ADI1: variants seen among roughly 807,000 people sequenced by gnomAD.
The protein encoded by ADI1 is acireductone dioxygenase.
ADI1 carries 21 observed loss-of-function variants against 18.7 expected under a neutral mutation model. The observed-to-expected ratio is 1.13, with a 90% CI of 0.80 to 1.62. The LOEUF (loss-of-function observed/expected upper bound fraction) is 1.62. Among genes scored for constraint, ADI1 ranks in the 40% most tolerant of loss-of-function variants. The pLI is 0.00. For missense variants in ADI1, 245 were observed against 254.9 expected, an observed-to-expected ratio of 0.96 and a Z score of 0.26; for synonymous variants, 90 against 100.1, an observed-to-expected ratio of 0.90 and a Z score of 0.60.
chr2:3,518,779 G>A (rs1667464554), intron 1 of ADI1, among the ~76,000 whole-genome samples: 1 of 152,378 alleles, frequency 6.6e-6, no homozygotes, highest in East Asian at 1.9e-4. Context: ...TAGCCAGGCA[G>A]GCAGGGCGTC....
In ADI1 at chr2:3,498,621, C is replaced by T. The variant is rs1387096162; in HGVS notation, c.*342G>A. 1 of 206,856 alleles carries T rather than the reference C, an allele frequency of 4.8e-6. No individual in the cohort carries two copies. The highest frequency in any genetic ancestry group is 2.3e-5 in the African/African-American group (1 of 43,658). The allele number at this position is 206,856 out of a possible 1,614,324, so 12.8% of individuals were successfully genotyped here. On this transcript the variant is annotated 3_prime_UTR_variant, in exon 4 of 4. Coordinates refer to ENST00000327435, the MANE Select transcript of ADI1 (RefSeq NM_018269.4). The stretch of plus-strand genomic sequence containing the variant: ...GCTGTGTTATCTAGGATTGCACCTT[C>T]TTACACGGCAGGCGCGGCATCACGT...
intron 3 of ADI1, chr2:3,500,605 C>T (rs2103200588): frequency 1.5e-6 from 1 of 664,182 alleles, no homozygotes. Flanking sequence ...GGATCGCAGG[C>T]AGGGGCCACG....
intron 1 of ADI1, among the ~76,000 whole-genome samples, chr2:3,514,625 C>G (rs1667360161): frequency 6.6e-6 from 1 of 152,238 alleles, no homozygotes; most frequent in Admixed American, 6.5e-5. Flanking sequence ...TCCCATTCAA[C>G]ATTTTCATTT....
intron 2 of ADI1, among the ~76,000 whole-genome samples, chr2:3,505,144 G>C (rs964108665): frequency 3.9e-5 from 6 of 152,214 alleles, no homozygotes; most frequent in Non-Finnish European, 8.8e-5. Flanking sequence ...TATATTGTTT[G>C]TTCACCTGCA....
intron 1 of ADI1, chr2:3,514,712 C>T (rs962029999): frequency 2.1e-6 from 3 of 1,448,926 alleles, no homozygotes; most frequent in Non-Finnish European, 1.9e-6. Context: ...AAGCTCCAGG[C>T]AGAATTCATC....
intron 2 of ADI1, among the ~76,000 whole-genome samples, chr2:3,502,829 G>A (rs1667054922): frequency 6.6e-6 from 1 of 152,104 alleles, no homozygotes; most frequent in Non-Finnish European, 1.5e-5. Flanking sequence ...CCAAGCTTAG[G>A]TTGCACTCAG....
At chr2:3,518,508 C>T (rs193118410) in intron 1 of ADI1, among the ~76,000 whole-genome samples, 4 of 152,210 alleles carry the variant, frequency 2.6e-5, no homozygotes, top group African/African-American at 9.7e-5. Context: ...AACGGGACAC[C>T]GGTGCAAAGC....
chr2:3,500,499 G>GTGCCAACCCCAGCGATGCCTCA, intron 3 of ADI1: 1 of 491,082 alleles, frequency 2.0e-6, no homozygotes, highest in Non-Finnish European at 3.7e-6. Context: ...AAGGGCTGGG[G>GTGCCAACCCCAGCGATGCCTCA]CAGGGCCAGG....
intron 2 of ADI1, among the ~76,000 whole-genome samples, chr2:3,507,060 T>A (rs1330140986): frequency 6.6e-6 from 1 of 152,164 alleles, no homozygotes; most frequent in East Asian, 1.9e-4. Flanking sequence ...TATAAACAAC[T>A]GCCCAAGACT....
At chr2:3,507,167 G>C (rs1667192062) in intron 2 of ADI1, among the ~76,000 whole-genome samples, 1 of 152,160 alleles carries the variant, frequency 6.6e-6, no homozygotes, top group Non-Finnish European at 1.5e-5. Context: ...GGGATTGGGG[G>C]AGAACAAAAT....
At chr2:3,501,864 A>C (rs1004893978) in intron 2 of ADI1, among the ~76,000 whole-genome samples, 1 of 152,096 alleles carries the variant, frequency 6.6e-6, no homozygotes, top group Non-Finnish European at 1.5e-5. Flanking sequence ...TTTCTTCCTA[A>C]TATTTTATAA....
intron 1 of ADI1, chr2:3,514,903 C>A: frequency 6.5e-7 from 1 of 1,536,812 alleles, no homozygotes; most frequent in African/African-American, 1.4e-5. Context: ...GAAGATTTCA[C>A]GGACATCTAT....
intron 1 of ADI1, chr2:3,515,050 A>G: frequency 2.0e-6 from 1 of 509,926 alleles, no homozygotes; most frequent in East Asian, 3.9e-5. Context: ...TGATTGTAAA[A>G]CATGTGTGTT....
chr2:3,504,455 C>G (rs369091674), intron 2 of ADI1, among the ~76,000 whole-genome samples: 14 of 152,210 alleles, frequency 9.2e-5, no homozygotes, highest in African/African-American at 3.4e-4. Context: ...GCTGGCTCAT[C>G]TCAACTTCCA....
In ADI1 at chr2:3,518,820, G is replaced by A. The variant is rs907612279; in HGVS notation, c.120+548C>T. ...AGCCCAACGAGCCCACGAACTCGCA[G>A]CCCGCCTCCGGCGAATCTTGCAGCC... On this transcript the variant is annotated intron_variant, in intron 1 of 3. Coordinates refer to ENST00000327435, the MANE Select transcript of ADI1 (RefSeq NM_018269.4). 6.1e-4 allele frequency among the ~76,000 whole-genome samples: 93 copies of A among 152,354 alleles called. 1 individual carries two copies. The highest frequency in any genetic ancestry group is 2.1e-3 in the African/African-American group (87 of 41,584).
chr2:3,500,786 G>C lies in ADI1; in HGVS notation c.420+28C>G. ...CGGCCAGGGCCACCACACAGGCCGG[G>C]CCTGGGGAGAAAGCACAGCACTCCC... is the stretch of plus-strand genomic sequence containing the variant. On this transcript the variant is annotated intron_variant, in intron 3 of 3. Transcript: ENST00000327435. The C allele has an allele frequency of 2.5e-6, 4 of 1,613,110 alleles. No homozygotes were observed. In the South Asian group the frequency reaches 4.4e-5, roughly 18 times the overall value.
chr2:3,502,642 G>A (rs1009658565), intron 2 of ADI1, among the ~76,000 whole-genome samples: 1 of 152,060 alleles, frequency 6.6e-6, no homozygotes, highest in African/African-American at 2.4e-5. Context: ...TAGAGACGGG[G>A]TTTCTCCATG....
At chr2:3,516,952 T>C (rs1022255226) in intron 1 of ADI1, 1 of 984,994 alleles carries the variant, frequency 1.0e-6, no homozygotes, top group Non-Finnish European at 1.2e-6. Flanking sequence ...GTCTCAAACT[T>C]CTGGCTTCAG....
At chr2:3,500,563 C>T (rs570425730) in intron 3 of ADI1, 114 of 579,780 alleles carry the variant, frequency 2.0e-4, no homozygotes, top group African/African-American at 1.8e-3. Context: ...GTACCTGCCC[C>T]GCCTGGGTAT....
Sources: allele counts gnomAD v4.1 joint callset (sites outside exome capture counted in the v4.1 genomes callset), GRCh38; gene constraint gnomAD v4.1.1; transcripts MANE v1.5; gene names NCBI Gene and HGNC (gene_info 2026-07-23, HGNC 2026-07-21).